The following HMGB1 variants were observed in gnomAD, a reference collection of about 807,000 sequenced individuals.
HMGB1 encodes the protein high mobility group box 1, also known as high mobility group protein B1.
For synonymous variants in HMGB1, 81 were observed against 84.0 expected (o/e 0.96, Z 0.19); for missense variants, 79 against 253.5 (o/e 0.31, Z 4.67).
At chr13:30,576,858 A>G (rs1290989125) in intron 1 of HMGB1, among the ~76,000 whole-genome samples, 3 of 151,944 alleles carry the variant, frequency 2.0e-5, no homozygotes, top group Non-Finnish European at 4.4e-5. Flanking sequence ...TCGATTACCA[A>G]CTTGTGCTGA....
chr13:30,589,690 G>A (rs1305254683), intron 1 of HMGB1, among the ~76,000 whole-genome samples: 5 of 152,084 alleles, frequency 3.3e-5, no homozygotes, highest in South Asian at 2.1e-4. Flanking sequence ...CCAACACAGC[G>A]AAACCCCATC....
chr13:30,615,077 A>T (rs113903720), intron 1 of HMGB1, among the ~76,000 whole-genome samples: 3 of 152,120 alleles, frequency 2.0e-5, no homozygotes, highest in African/African-American at 7.2e-5. Context: ...TGAAACTACT[A>T]ATTTCTTGTT....
chr13:30,612,965 C>T (rs138751143), intron 1 of HMGB1, among the ~76,000 whole-genome samples: 79 of 152,228 alleles, frequency 5.2e-4, no homozygotes, highest in East Asian at 3.9e-4. Context: ...TGTCCAATTA[C>T]GAGAATATAC....
intron 1 of HMGB1, among the ~76,000 whole-genome samples, chr13:30,595,206 TTC>T (rs1373027104): frequency 6.6e-6 from 1 of 152,204 alleles, no homozygotes; most frequent in East Asian, 1.9e-4. Flanking sequence ...GTATTTTTAT[TTC>T]TTTTACATAT....
At position 30,601,733 on chromosome 13, in the gene HMGB1, G is replaced by A. The variant is rs1334688267; in HGVS notation, c.-15+14938C>T. Reference sequence around the variant, plus strand: ...TGCACTCCAGCCTGGGCGACAGAGCGAGACTCCGTCTCAAAAAAAAAAAAA... The same window carrying A: ...TGCACTCCAGCCTGGGCGACAGAGCAAGACTCCGTCTCAAAAAAAAAAAAA... On this transcript the variant is annotated intron_variant, in intron 1 of 4. Coordinates refer to the HMGB1 transcript ENST00000405805. Among the ~76,000 whole-genome samples the A allele has an allele frequency of 9.3e-5, 2 of 21,502 alleles. 1 individual carries two copies. The highest frequency in any genetic ancestry group is 1.3e-4 in the Non-Finnish European group (2 of 15,228). The allele number at this position is 21,502 out of a possible 152,430, so 14.1% of individuals were successfully genotyped here.
At chr13:30,551,525 C>T (rs4769847) in intron 1 of HMGB1, among the ~76,000 whole-genome samples, 135,192 of 152,260 alleles carry the variant, frequency 0.89, 60,102 homozygotes, top group Middle Eastern at 0.94. Context: ...AATCCATTCT[C>T]ATTAAACTGC....
intron 1 of HMGB1, among the ~76,000 whole-genome samples, chr13:30,505,669 T>C (rs757922295): frequency 6.6e-6 from 1 of 152,108 alleles, no homozygotes; most frequent in Non-Finnish European, 1.5e-5. Context: ...AAACCCCCTG[T>C]ACCCGTTATT....
chr13:30,537,615 C>T (rs563979767), intron 1 of HMGB1, among the ~76,000 whole-genome samples: 3 of 140,716 alleles, frequency 2.1e-5, no homozygotes, highest in South Asian at 2.3e-4. Flanking sequence ...GATTCACCCA[C>T]GTCGCTGCAT....
chr13:30,589,726 T>C (rs1400339903), intron 1 of HMGB1, among the ~76,000 whole-genome samples: 2 of 151,944 alleles, frequency 1.3e-5, no homozygotes, highest in Non-Finnish European at 2.9e-5. Flanking sequence ...AAAAATTAGC[T>C]GGTAATGGTG....
intron 1 of HMGB1, among the ~76,000 whole-genome samples, chr13:30,608,607 T>C (rs557062037): frequency 1.3e-5 from 2 of 152,184 alleles, no homozygotes; most frequent in Non-Finnish European, 2.9e-5. Flanking sequence ...CTCTCTTCTT[T>C]CCATTTGGGA....
intron 1 of HMGB1, among the ~76,000 whole-genome samples, chr13:30,604,680 C>T (rs150487313): frequency 8.5e-5 from 13 of 152,150 alleles, no homozygotes; most frequent in African/African-American, 2.2e-4. Flanking sequence ...GTTTTTGAGA[C>T]GGAGTCTCGC....
chr13:30,523,767 G>C (rs1888292751), intron 1 of HMGB1, among the ~76,000 whole-genome samples: 1 of 151,258 alleles, frequency 6.6e-6, no homozygotes, highest in African/African-American at 2.4e-5. Flanking sequence ...TTGAGATGGG[G>C]CCTCACTCTA....
intron 1 of HMGB1, among the ~76,000 whole-genome samples, chr13:30,481,193 A>G (rs1024092838): frequency 2.6e-5 from 4 of 152,116 alleles, no homozygotes; most frequent in African/African-American, 9.7e-5. Context: ...AAACACTTTC[A>G]TGTATCTATA....
chr13:30,543,514 C>T (rs1869008283), intron 1 of HMGB1: 1 of 153,182 alleles, frequency 6.5e-6, no homozygotes, highest in African/African-American at 2.4e-5. Flanking sequence ...GGTGTCTTCC[C>T]CTGTAAAGGA....
chr13:30,507,164 T>C (rs569436436), intron 1 of HMGB1, among the ~76,000 whole-genome samples: 86 of 152,192 alleles, frequency 5.7e-4, no homozygotes, highest in Admixed American at 4.3e-3. Context: ...CCACTATAGC[T>C]CAAATGCCTT....
At chr13:30,560,654 G>A (rs1869910387) in intron 1 of HMGB1, among the ~76,000 whole-genome samples, 1 of 152,202 alleles carries the variant, frequency 6.6e-6, no homozygotes, top group South Asian at 2.1e-4. Context: ...GGAAGGCTTG[G>A]GGTTGGGCTT....
chr13:30,615,856 T>G (rs1363982366), intron 1 of HMGB1, among the ~76,000 whole-genome samples: 1 of 152,136 alleles, frequency 6.6e-6, no homozygotes, highest in Non-Finnish European at 1.5e-5. Context: ...CAGCTGTTCG[T>G]TAGTTATTAA....
Position 30,463,664 on chromosome 13 carries a change from G to C in HMGB1, c.17C>G (p.Pro6Arg). The change falls in exon 2 of 5, where the codon CCT becomes CGT. Residue 6 changes from proline to arginine, a missense_variant. Pro to Arg is a moderately radical substitution (Grantham distance 103). Transcript: ENST00000341423. ...TGACATTTTGCCTCTCGGCTTCTTA[G>C]GATCTCCTTTGCCCATGTTTAGTTA... MGKGD[P>R]KKPRGKMSSY... 1 of 1,574,750 alleles carries C rather than the reference G, an allele frequency of 6.4e-7. No homozygotes were observed. Among genetic ancestry groups the C allele is most frequent in the Non-Finnish European group, 8.6e-7 (1 of 1,162,906 alleles).
At chr13:30,505,727 T>C (rs1313125052) in intron 1 of HMGB1, among the ~76,000 whole-genome samples, 2 of 152,134 alleles carry the variant, frequency 1.3e-5, no homozygotes, top group East Asian at 3.9e-4. Context: ...TCCATCTTAC[T>C]CCTATCTAGT....
Sources: gnomAD v4.1 joint callset for allele counts (sites outside exome capture counted in the v4.1 genomes callset) on GRCh38, gnomAD v4.1.1 for gene constraint, MANE v1.5 for transcripts, NCBI Gene and HGNC (gene_info 2026-07-23, HGNC 2026-07-21) for gene names.